The following CAMSAP2 variants were observed in gnomAD, a reference collection of about 807,000 sequenced individuals.
The protein encoded by CAMSAP2 is calmodulin regulated spectrin associated protein family member 2, also known as calmodulin-regulated spectrin-associated protein 2.
In CAMSAP2, 26 loss-of-function variants were observed where a neutral mutation model predicts 146.1. That is an observed-to-expected ratio of 0.18 (90% CI 0.13 to 0.25). The LOEUF (loss-of-function observed/expected upper bound fraction) is 0.25, where lower values mean the gene tolerates loss of function less well. Ranked by LOEUF, CAMSAP2 falls within the 10% of genes least tolerant of loss-of-function variation. The pLI is 1.00. For synonymous variants in CAMSAP2, 499 were observed against 596.6 expected (o/e 0.84, Z 2.38); for missense variants, 1,381 against 1,759.3 (o/e 0.78, Z 3.85).
chr1:200,756,300 A>G (rs2102997127), intron 1 of CAMSAP2, among the ~76,000 whole-genome samples: 1 of 152,076 alleles, frequency 6.6e-6, no homozygotes, highest in African/African-American at 2.4e-5. Context: ...GAAAAATACA[A>G]AAATTAGCTG....
At chr1:200,769,190 A>G (rs1283509508) in intron 2 of CAMSAP2, among the ~76,000 whole-genome samples, 3 of 152,008 alleles carry the variant, frequency 2.0e-5, no homozygotes, top group Non-Finnish European at 4.4e-5. Context: ...TGTTCCTCCT[A>G]GTGCTTTTGA....
chr1:200,780,033 G>A (rs1329247539), intron 2 of CAMSAP2, among the ~76,000 whole-genome samples: 1 of 151,994 alleles, frequency 6.6e-6, no homozygotes, highest in African/African-American at 2.4e-5. Flanking sequence ...TATTAATAGA[G>A]TTTATGCCAT....
intron 2 of CAMSAP2, among the ~76,000 whole-genome samples, chr1:200,782,782 CTTTTTTTTTTTT>C (rs57995961): frequency 5.5e-5 from 4 of 72,242 alleles, no homozygotes; most frequent in African/African-American, 1.1e-4. Context: ...TCATTTCTCT[CTTTTTTTTTTTT>C]TTTTTTTTTT....
chr1:200,806,030 G>C (rs944956138), intron 2 of CAMSAP2, among the ~76,000 whole-genome samples: 3 of 152,206 alleles, frequency 2.0e-5, no homozygotes, highest in African/African-American at 7.2e-5. Flanking sequence ...TCTATATTTT[G>C]GGGTTGGAGA....
intron 2 of CAMSAP2, among the ~76,000 whole-genome samples, chr1:200,766,740 G>A (rs976032469): frequency 3.3e-5 from 5 of 151,664 alleles, no homozygotes; most frequent in Non-Finnish European, 7.4e-5. Context: ...TTGTATTTTC[G>A]TCTTTGCCTA....
chr1:200,815,537 A>C, intron 3 of CAMSAP2, 24 bp from the exon 4 acceptor site: 1 of 1,233,820 alleles, frequency 8.1e-7, no homozygotes, highest in Non-Finnish European at 1.1e-6. Context: ...ATAAAAATTC[A>C]AACTGATATT....
At chr1:200,823,359 C>T (rs899891752) in intron 4 of CAMSAP2, among the ~76,000 whole-genome samples, 22 of 152,044 alleles carry the variant, frequency 1.4e-4, no homozygotes, top group Non-Finnish European at 2.9e-4. Context: ...ACAACTTCAC[C>T]CAGTTTTCTC....
intron 4 of CAMSAP2, among the ~76,000 whole-genome samples, chr1:200,821,765 A>ATTAAC (rs748709710): frequency 2.0e-4 from 30 of 152,168 alleles, no homozygotes; most frequent in Non-Finnish European, 4.0e-4. Context: ...CTGTTCTATT[A>ATTAAC]TTAACTCATT....
At chr1:200,828,729 T>G in intron 4 of CAMSAP2, 1 of 869,174 alleles carries the variant, frequency 1.2e-6, no homozygotes, top group Non-Finnish European at 1.8e-6. Flanking sequence ...GATTGGATTT[T>G]AAGGTCATGT....
chr1:200,793,914 T>C (rs2029750), intron 2 of CAMSAP2, among the ~76,000 whole-genome samples: 26,438 of 152,096 alleles, frequency 0.17, 3,049 homozygotes, highest in East Asian at 0.35. Flanking sequence ...GGAGGAAAGC[T>C]GCCCACAATT....
intron 12 of CAMSAP2, among the ~76,000 whole-genome samples, chr1:200,852,989 T>C (rs1667659863): frequency 8.3e-6 from 1 of 120,724 alleles, no homozygotes; most frequent in Admixed American, 9.4e-5. Context: ...TAAAATAACT[T>C]TCCTGGGAGA....
intron 2 of CAMSAP2, among the ~76,000 whole-genome samples, chr1:200,787,924 C>A (rs1665639573): frequency 6.6e-6 from 1 of 152,072 alleles, no homozygotes; most frequent in East Asian, 1.9e-4. Flanking sequence ...TTTAGCAATA[C>A]AATATTTTTA....
At chr1:200,854,941 A>T in intron 14 of CAMSAP2, 52 bp downstream of exon 14, 1 of 1,275,920 alleles carries the variant, frequency 7.8e-7, no homozygotes, top group Non-Finnish European at 1.1e-6. Context: ...AGTACCTGCA[A>T]TTATACAAAC....
chr1:200,760,492 C>T (rs1417223684), intron 1 of CAMSAP2, among the ~76,000 whole-genome samples: 1 of 152,078 alleles, frequency 6.6e-6, no homozygotes, highest in African/African-American at 2.4e-5. Context: ...CTGTGAGGAG[C>T]GTCATTGAAA....
At chr1:200,789,755 G>A (rs10920033) in intron 2 of CAMSAP2, among the ~76,000 whole-genome samples, 25,766 of 152,046 alleles carry the variant, frequency 0.17, 2,896 homozygotes, top group East Asian at 0.35. Flanking sequence ...GGGAAAAACC[G>A]GTATCTTGAT....
chr1:200,740,287 GC>G (rs1472590457), intron 1 of CAMSAP2, among the ~76,000 whole-genome samples: 1 of 150,592 alleles, frequency 6.6e-6, no homozygotes, highest in East Asian at 1.9e-4. Flanking sequence ...TCATTGTGTT[GC>G]GTACATTTCT....
At chr1:200,790,684 A>T (rs1273027869) in intron 2 of CAMSAP2, among the ~76,000 whole-genome samples, 1 of 152,142 alleles carries the variant, frequency 6.6e-6, no homozygotes, top group African/African-American at 2.4e-5. Flanking sequence ...TTGATACTTC[A>T]TTCTGTTCAG....
chr1:200,752,288 T>C (rs924920475), intron 1 of CAMSAP2, among the ~76,000 whole-genome samples: 1 of 152,172 alleles, frequency 6.6e-6, no homozygotes, highest in African/African-American at 2.4e-5. Context: ...TATAGATTCC[T>C]TCTGTGATAT....
chr1:200,785,351 A>G (rs1665554655), intron 2 of CAMSAP2, among the ~76,000 whole-genome samples: 1 of 150,940 alleles, frequency 6.6e-6, no homozygotes, highest in Non-Finnish European at 1.5e-5. Context: ...AGAATTCACT[A>G]GGTATGCCAC....
Sources: gnomAD v4.1 joint callset for allele counts (sites outside exome capture counted in the v4.1 genomes callset) on GRCh38, gnomAD v4.1.1 for gene constraint, MANE v1.5 for transcripts, NCBI Gene and HGNC (gene_info 2026-07-23, HGNC 2026-07-21) for gene names.